Variants in DMD observed in about 807,000 individuals in gnomAD.
The protein encoded by DMD is mutant dystrophin.
Under a neutral mutation model 330.1 loss-of-function variants are expected in DMD, and 63 were observed. The ratio of observed to expected loss-of-function variants is 0.19; its 90% CI spans 0.16 to 0.24. The LOEUF is 0.24. Among genes scored for constraint, DMD ranks in the 10% least tolerant of loss-of-function variants. The pLI is 1.00. For missense variants in DMD, 3,344 were observed against 2,684.1 expected (o/e 1.25, Z -5.43); for synonymous variants, 1,223 against 959.8 (o/e 1.27, Z -5.07).
At chrX:32,605,408 T>C (rs1201446380) in intron 12 of DMD, among the ~76,000 whole-genome samples, 1 of 110,359 alleles carries the variant, frequency 9.1e-6, no homozygotes, top group Non-Finnish European at 1.9e-5. Flanking sequence ...TAACTCAAAA[T>C]GTATTAAAGA....
At chrX:33,009,526 ATG>A (rs750943854) in intron 2 of DMD, among the ~76,000 whole-genome samples, 1 of 88,041 alleles carries the variant, frequency 1.1e-5, no homozygotes, top group African/African-American at 4.3e-5. Flanking sequence ...ATATGTGTGT[ATG>A]TGTGTATGTG....
Position 31,248,966 on chromosome X carries a change from A to AT in DMD, c.9286+11988dup, listed in dbSNP as rs893907740. On this transcript the variant is annotated intron_variant, in intron 63 of 78. Coordinates refer to ENST00000357033, the MANE Select transcript of DMD (RefSeq NM_004006.3). ...TGTCATTGTCCCTCCAGCCCTAGGTATAACAGAAACTTCATGCTGTGTGTG... is the reference window on the plus strand; with the variant it reads ...TGTCATTGTCCCTCCAGCCCTAGGTATTAACAGAAACTTCATGCTGTGTGTG... Among the ~76,000 whole-genome samples, 6 of 111,484 alleles carry AT rather than the reference A, an allele frequency of 5.4e-5. No homozygotes were observed. In the Admixed American group the frequency reaches 5.7e-4, roughly 11 times the overall value.
At chrX:31,436,835 T>C (rs956961995) in intron 60 of DMD, among the ~76,000 whole-genome samples, 6 of 112,102 alleles carry the variant, frequency 5.4e-5, no homozygotes, top group East Asian at 2.8e-4. Context: ...TGGAACTTAA[T>C]TGTCCTTTTT....
intron 76 of DMD, among the ~76,000 whole-genome samples, chrX:31,143,428 T>A (rs2036321493): frequency 8.9e-6 from 1 of 111,841 alleles, no homozygotes; most frequent in African/African-American, 3.3e-5. Flanking sequence ...TCCCCAGCCT[T>A]GTGGAACTGA....
intron 2 of DMD, among the ~76,000 whole-genome samples, chrX:32,874,783 C>G (rs983073665): frequency 1.8e-5 from 2 of 111,341 alleles, no homozygotes; most frequent in Non-Finnish European, 3.8e-5. Flanking sequence ...CTCTGGGAGC[C>G]CTAAGATGCC....
chrX:31,957,897 T>A (rs1033847790), intron 45 of DMD, among the ~76,000 whole-genome samples: 4 of 111,413 alleles, frequency 3.6e-5, no homozygotes, highest in Non-Finnish European at 5.7e-5. Context: ...GGTTTTCTTT[T>A]GTAAACAAAG....
At chrX:32,782,994 T>C (rs1338745007) in intron 7 of DMD, among the ~76,000 whole-genome samples, 3 of 104,144 alleles carry the variant, frequency 2.9e-5, no homozygotes, top group Non-Finnish European at 5.9e-5. Context: ...ATGGTGTGTG[T>C]ATATATACAC....
chrX:32,271,410 C>T (rs1281331875), intron 43 of DMD, among the ~76,000 whole-genome samples: 1 of 112,637 alleles, frequency 8.9e-6, no homozygotes, highest in Non-Finnish European at 1.9e-5. Flanking sequence ...CAAAAAACCA[C>T]ATCTGTGGCT....
chrX:32,036,114 G>A (rs1016515357), intron 44 of DMD, among the ~76,000 whole-genome samples: 18 of 111,816 alleles, frequency 1.6e-4, no homozygotes, highest in African/African-American at 5.8e-4. Flanking sequence ...AGGTCTGAAA[G>A]TTGTTACTCT....
At chrX:33,053,751 TA>T (rs1441316078) in intron 1 of DMD, among the ~76,000 whole-genome samples, 2 of 111,045 alleles carry the variant, frequency 1.8e-5, no homozygotes, top group African/African-American at 6.6e-5. Context: ...GTTAGCTGGG[TA>T]AAAAGTTGAG....
chrX:31,504,411 T>C (rs2070727138), intron 56 of DMD, among the ~76,000 whole-genome samples: 1 of 112,173 alleles, frequency 8.9e-6, no homozygotes. Flanking sequence ...TTTTATTTTT[T>C]TGAAATATAA....
At position 31,213,363 on chromosome X, in the gene DMD, G is replaced by A. The variant is rs181230921; in HGVS notation, c.9362-3664C>T. ...ACAGTAACATTGACCATTTTTACCC[G>A]GGCACAGTCAGACCAACGGAAGCCA... On this transcript the variant is annotated intron_variant, in intron 64 of 78. Transcript: ENST00000357033. Among the ~76,000 whole-genome samples, 6 of 112,230 alleles carry A rather than the reference G, an allele frequency of 5.3e-5. No homozygotes were observed. In the East Asian group the frequency reaches 1.1e-3, roughly 21 times the overall value.
At chrX:33,290,349 A>G (rs1308513816) in intron 1 of DMD, among the ~76,000 whole-genome samples, 1 of 111,475 alleles carries the variant, frequency 9.0e-6, no homozygotes, top group African/African-American at 3.3e-5. Flanking sequence ...TCTCTGCCAC[A>G]TGAACTCACA....
At chrX:33,211,691 C>T (rs923469654), upstream of DMD, 5 of 435,317 alleles carry the variant, frequency 1.1e-5, no homozygotes, top group Admixed American at 3.1e-4. Context: ...TCCAGCATGG[C>T]AAGCTCTGTG....
At chrX:32,746,139 G>C (rs1384208447) in intron 7 of DMD, among the ~76,000 whole-genome samples, 4 of 111,536 alleles carry the variant, frequency 3.6e-5, no homozygotes, top group Non-Finnish European at 7.5e-5. Flanking sequence ...CTGTTCTCTG[G>C]GTAATGGAGT....
At chrX:31,725,925 G>T (rs1473162595) in intron 52 of DMD, among the ~76,000 whole-genome samples, 2 of 112,296 alleles carry the variant, frequency 1.8e-5, no homozygotes, top group South Asian at 7.5e-4. Flanking sequence ...TAACAGACAC[G>T]AACAAGAGTT....
chrX:32,234,020 G>A (rs752671487), intron 43 of DMD, among the ~76,000 whole-genome samples: 6 of 111,156 alleles, frequency 5.4e-5, no homozygotes, highest in African/African-American at 2.0e-4. Context: ...CTACAACTGC[G>A]ATTTCGGCAG....
At chrX:31,546,568 T>C (rs762223980) in intron 55 of DMD, among the ~76,000 whole-genome samples, 2 of 112,500 alleles carry the variant, frequency 1.8e-5, no homozygotes, top group African/African-American at 3.2e-5. Flanking sequence ...TTCCAACCTT[T>C]AGTTATTCAT....
intron 15 of DMD, among the ~76,000 whole-genome samples, chrX:32,566,857 A>G (rs1208094703): frequency 8.9e-6 from 1 of 112,298 alleles, no homozygotes; most frequent in Admixed American, 9.5e-5. Flanking sequence ...AAGGAAGAGA[A>G]ATAAAGGAGA....
Sources: gnomAD v4.1 joint callset for allele counts (sites outside exome capture counted in the v4.1 genomes callset) on GRCh38, gnomAD v4.1.1 for gene constraint, MANE v1.5 for transcripts, NCBI Gene and HGNC (gene_info 2026-07-23, HGNC 2026-07-21) for gene names.